Variants in CNTN4 observed in about 807,000 individuals in gnomAD.
CNTN4 encodes contactin-4.
CNTN4 carries 77 observed loss-of-function variants against 122.5 expected under a neutral mutation model. The ratio of observed to expected loss-of-function variants is 0.63; its 90% CI spans 0.52 to 0.76. The LOEUF (loss-of-function observed/expected upper bound fraction) is 0.76, where lower values mean the gene tolerates loss of function less well. Among genes scored for constraint, CNTN4 ranks in the 30% least tolerant of loss-of-function variants. The pLI, the probability that CNTN4 is intolerant of heterozygous loss-of-function variation, is 0.00. For synonymous variants in CNTN4, 512 were observed against 447.0 expected, an observed-to-expected ratio of 1.15 and a Z score of -1.83; for missense variants, 1,256 against 1,259.1, an observed-to-expected ratio of 1.00 and a Z score of 0.04.
intron 3 of CNTN4, among the ~76,000 whole-genome samples, chr3:2,453,021 T>C (rs1236999260): frequency 6.6e-6 from 1 of 152,168 alleles, no homozygotes; most frequent in Non-Finnish European, 1.5e-5. Flanking sequence ...CAATTATTCG[T>C]AATGTTCATC....
At chr3:2,556,181 T>G (rs781549562) in intron 3 of CNTN4, among the ~76,000 whole-genome samples, 1 of 152,160 alleles carries the variant, frequency 6.6e-6, no homozygotes, top group Non-Finnish European at 1.5e-5. Flanking sequence ...AAACAAAAAT[T>G]GGCACCAAGA....
chr3:2,571,935 C>G (rs2149493954), intron 4 of CNTN4, among the ~76,000 whole-genome samples: 1 of 152,242 alleles, frequency 6.6e-6, no homozygotes, highest in South Asian at 2.1e-4. Context: ...GGACGTTTAT[C>G]TGGATAGCTC....
intron 2 of CNTN4, among the ~76,000 whole-genome samples, chr3:2,314,879 C>T (rs1478329568): frequency 3.9e-5 from 6 of 151,930 alleles, no homozygotes; most frequent in Non-Finnish European, 7.4e-5. Flanking sequence ...CAGAGAGCTT[C>T]TTAACAGCTT....
At chr3:2,280,803 C>T (rs1431288059) in intron 2 of CNTN4, among the ~76,000 whole-genome samples, 3 of 152,092 alleles carry the variant, frequency 2.0e-5, no homozygotes, top group Admixed American at 6.6e-5. Flanking sequence ...GCCTCAACAC[C>T]AGTTAAATTA....
At chr3:3,011,472 T>G (rs1697222140) in intron 14 of CNTN4, among the ~76,000 whole-genome samples, 2 of 151,774 alleles carry the variant, frequency 1.3e-5, no homozygotes, top group Admixed American at 6.6e-5. Flanking sequence ...TGATAATCCC[T>G]TGACTTGATG....
intron 3 of CNTN4, among the ~76,000 whole-genome samples, chr3:2,523,740 T>TC (rs2077304087): frequency 1.3e-5 from 2 of 152,090 alleles, no homozygotes; most frequent in Admixed American, 1.3e-4. Flanking sequence ...AGGAGAGGTC[T>TC]CCTTAGCTTT....
At chr3:2,712,947 A>G (rs1032582155) in intron 4 of CNTN4, among the ~76,000 whole-genome samples, 11 of 152,140 alleles carry the variant, frequency 7.2e-5, no homozygotes, top group Non-Finnish European at 1.3e-4. Flanking sequence ...CCCTTCCCCA[A>G]TACCTCGCCC....
chr3:2,604,525 G>A (rs2081179783), intron 4 of CNTN4, among the ~76,000 whole-genome samples: 1 of 152,106 alleles, frequency 6.6e-6, no homozygotes, highest in African/African-American at 2.4e-5. Flanking sequence ...AAAGTGCTAA[G>A]AGGAAGAATA....
chr3:2,425,981 A>G (rs1054697122), intron 3 of CNTN4, among the ~76,000 whole-genome samples: 1 of 151,932 alleles, frequency 6.6e-6, no homozygotes, highest in African/African-American at 2.4e-5. Context: ...AGACAATGGG[A>G]TTTTCTAAAT....
intron 4 of CNTN4, among the ~76,000 whole-genome samples, chr3:2,712,175 A>G (rs1479772627): frequency 6.6e-6 from 1 of 152,214 alleles, no homozygotes; most frequent in African/African-American, 2.4e-5. Flanking sequence ...CATTGTTATA[A>G]CTATTTTTAT....
chr3:2,574,072 A>C (rs568011616), intron 4 of CNTN4, among the ~76,000 whole-genome samples: 20 of 152,068 alleles, frequency 1.3e-4, no homozygotes, highest in Non-Finnish European at 2.8e-4. Context: ...TAAAATTAGC[A>C]AGGCATGGTG....
At chr3:2,154,617 T>C (rs2035639828) in intron 2 of CNTN4, among the ~76,000 whole-genome samples, 1 of 150,848 alleles carries the variant, frequency 6.6e-6, no homozygotes, top group South Asian at 2.2e-4. Context: ...AACAGACTTT[T>C]ACTTCCTTAG....
chr3:2,774,800 T>C (rs910606457), intron 6 of CNTN4, among the ~76,000 whole-genome samples: 5 of 152,246 alleles, frequency 3.3e-5, no homozygotes, highest in African/African-American at 1.2e-4. Context: ...GGTTTCAAGA[T>C]GTTTATTTAA....
At chr3:2,734,703 CA>C (rs749758358) in intron 4 of CNTN4, among the ~76,000 whole-genome samples, 130 of 150,630 alleles carry the variant, frequency 8.6e-4, no homozygotes, top group Non-Finnish European at 1.6e-3. Flanking sequence ...ATTACCTTAC[CA>C]GGCTTCACCT....
intron 2 of CNTN4, among the ~76,000 whole-genome samples, chr3:2,126,098 T>C (rs2034144659): frequency 6.6e-6 from 1 of 152,164 alleles, no homozygotes; most frequent in African/African-American, 2.4e-5. Flanking sequence ...TACAGTTATT[T>C]GAATGTCTGA....
intron 2 of CNTN4, among the ~76,000 whole-genome samples, chr3:2,237,146 G>T (rs993766028): frequency 6.6e-6 from 1 of 152,030 alleles, no homozygotes; most frequent in African/African-American, 2.4e-5. Context: ...TAAGAGGGAC[G>T]ATCATACTAG....
chr3:3,003,684 CAAAAAAAAAAAAAA>C (rs58290160), intron 14 of CNTN4, among the ~76,000 whole-genome samples: 1,623 of 77,028 alleles, frequency 0.021, 33 homozygotes, highest in African/African-American at 0.061. Context: ...ATGGTTGCAC[CAAAAAAAAAAAAAA>C]AAAAAAAAAA....
At position 2,129,412 on chromosome 3, in the gene CNTN4, TAAG is replaced by T. The variant is rs529480109; in HGVS notation, c.-145+28776_-145+28778del. On this transcript the variant is annotated intron_variant, in intron 2 of 24. Transcript: ENST00000418658. Reference sequence around the variant, plus strand: ...TAGTTTTGCATGGTGCAGGGATAGATAAGAAAGTTGTTTTCGATATGCTATTTT... The same window carrying T: ...TAGTTTTGCATGGTGCAGGGATAGATAAAGTTGTTTTCGATATGCTATTTT... Among the ~76,000 whole-genome samples the T allele has an allele frequency of 4.1e-3, 583 of 143,084 alleles. 4 individuals are homozygous for T. The highest frequency in any genetic ancestry group is 5.0e-3 in the Non-Finnish European group (326 of 65,466). 93.9% of individuals were successfully genotyped at this position (143,084 alleles called of 152,430 possible). A position where few individuals can be genotyped will look rare whatever the true frequency, so the allele number is the denominator to read the frequency against.
At chr3:2,853,186 A>G (rs984817620) in intron 7 of CNTN4, among the ~76,000 whole-genome samples, 1 of 141,254 alleles carries the variant, frequency 7.1e-6, no homozygotes, top group Non-Finnish European at 1.6e-5. Flanking sequence ...GGGACGGAAA[A>G]AAAAAAAGAA....
Sources: gnomAD v4.1 joint callset for allele counts (sites outside exome capture counted in the v4.1 genomes callset) on GRCh38, gnomAD v4.1.1 for gene constraint, MANE v1.5 for transcripts, NCBI Gene and HGNC (gene_info 2026-07-23, HGNC 2026-07-21) for gene names.